Variants in TMEM236 observed in about 807,000 individuals in gnomAD.
TMEM236 encodes transmembrane protein 236.
A neutral mutation model predicts 14.7 loss-of-function variants in TMEM236; 11 were observed. The observed-to-expected ratio is 0.75, with a 90% CI of 0.47 to 1.24. TMEM236 has a LOEUF of 1.24. TMEM236 is among the 50% of genes most tolerant of loss of function. The pLI, the probability that TMEM236 is intolerant of heterozygous loss-of-function variation, is 0.00. For synonymous variants in TMEM236, 182 were observed against 168.6 expected (o/e 1.08, Z -0.62); for missense variants, 464 against 427.3 (o/e 1.09, Z -0.76).
In TMEM236 at chr10:17,759,982, C is replaced by CAAAAAAA. The variant is rs35596189; in HGVS notation, c.257+7453_257+7459dup. 3.7e-4 allele frequency among the ~76,000 whole-genome samples: 20 copies of CAAAAAAA among 54,682 alleles called. 1 individual carries two copies. Among genetic ancestry groups the CAAAAAAA allele is most frequent in the African/African-American group, 1.2e-3 (17 of 13,682 alleles). 35.9% of individuals were successfully genotyped at this position (54,682 alleles called of 152,430 possible). Reference sequence around the variant, plus strand: ...TGGACGAAAGAGCGAGACTCCGTCTCAAAAAAAAAAAAAAAAAAAAAAAAA... The same window carrying CAAAAAAA: ...TGGACGAAAGAGCGAGACTCCGTCTCAAAAAAAAAAAAAAAAAAAAAAAAAAAAAAAA... On this transcript the variant is annotated intron_variant, in intron 1 of 3. Coordinates refer to ENST00000377495, the MANE Select transcript of TMEM236 (RefSeq NM_001098844.3).
chr10:17,756,120 A>G (rs1009705529), intron 1 of TMEM236, among the ~76,000 whole-genome samples: 2 of 152,146 alleles, frequency 1.3e-5, no homozygotes, highest in East Asian at 3.9e-4. Flanking sequence ...TTACAAAATC[A>G]GCAGGATGTG....
intron 1 of TMEM236, among the ~76,000 whole-genome samples, chr10:17,769,481 A>G (rs887211386): frequency 1.3e-5 from 2 of 152,252 alleles, no homozygotes; most frequent in East Asian, 3.8e-4. Flanking sequence ...AACGGATGAG[A>G]TAATCCAGGA....
At chr10:17,795,667 G>A (rs1330664484) in intron 3 of TMEM236, among the ~76,000 whole-genome samples, 2 of 152,190 alleles carry the variant, frequency 1.3e-5, no homozygotes, top group African/African-American at 4.8e-5. Flanking sequence ...AATAGCTAAT[G>A]CATGTGAGGC....
intron 3 of TMEM236, among the ~76,000 whole-genome samples, chr10:17,794,044 T>C (rs1837969394): frequency 6.6e-6 from 1 of 152,194 alleles, no homozygotes. Context: ...GAATTTAGAT[T>C]ATCTTTTTAG....
intron 1 of TMEM236, among the ~76,000 whole-genome samples, chr10:17,763,318 T>C (rs964110755): frequency 2.0e-5 from 3 of 151,972 alleles, no homozygotes; most frequent in Admixed American, 2.0e-4. Flanking sequence ...TACCTGGGCA[T>C]GGTGGTGCAT....
intron 3 of TMEM236, among the ~76,000 whole-genome samples, chr10:17,782,564 G>C (rs1837770207): frequency 6.6e-6 from 1 of 152,064 alleles, no homozygotes; most frequent in South Asian, 2.1e-4. Flanking sequence ...CGATTCTCGT[G>C]CCTCAGCCTC....
intron 3 of TMEM236, among the ~76,000 whole-genome samples, chr10:17,793,703 G>A (rs1252707924): frequency 2.0e-5 from 3 of 152,010 alleles, no homozygotes; most frequent in African/African-American, 4.8e-5. Context: ...GGCTGGTCTC[G>A]AACTTCTGAA....
chr10:17,787,689 G>A (rs1837861519), intron 3 of TMEM236, among the ~76,000 whole-genome samples: 1 of 152,180 alleles, frequency 6.6e-6, no homozygotes, highest in African/African-American at 2.4e-5. Flanking sequence ...CTGGTGCTGG[G>A]GGTACAAAGC....
chr10:17,752,792 C>G (rs1263618260), intron 1 of TMEM236, among the ~76,000 whole-genome samples: 1 of 152,146 alleles, frequency 6.6e-6, no homozygotes, highest in Non-Finnish European at 1.5e-5. Context: ...GTCTTGAACT[C>G]CTGACCTCAA....
rs1006791460 is a variant in TMEM236 at position 17,752,323 on chromosome 10, G to A, written c.28G>A (p.Val10Met). ...GGCTTCTGGAAGGCTCATTAAGTTCGTGGTTTTTGAGCTCCTAGAGTTTGC... is the reference window on the plus strand; with the variant it reads ...GGCTTCTGGAAGGCTCATTAAGTTCATGGTTTTTGAGCTCCTAGAGTTTGC... MASGRLIKF[V>M]VFELLEFAAF... The change falls in exon 1 of 4, where the codon GTG becomes ATG. Residue 10 changes from valine (V) to methionine (M), a missense_variant. Coordinates refer to ENST00000377495, the MANE Select transcript of TMEM236 (RefSeq NM_001098844.3). 64 of 1,613,766 alleles carry A rather than the reference G, an allele frequency of 4.0e-5. No individual in the cohort carries two copies. The highest frequency in any genetic ancestry group is 2.9e-4 in the East Asian group (13 of 44,868).
At chr10:17,794,739 C>T (rs975410757) in intron 3 of TMEM236, among the ~76,000 whole-genome samples, 1 of 152,144 alleles carries the variant, frequency 6.6e-6, no homozygotes, top group Non-Finnish European at 1.5e-5. Context: ...CTCTAGTGGT[C>T]AAACAGATTC....
intron 1 of TMEM236, among the ~76,000 whole-genome samples, chr10:17,754,226 A>G (rs1470763858): frequency 6.6e-6 from 1 of 152,234 alleles, no homozygotes; most frequent in Non-Finnish European, 1.5e-5. Context: ...AGTAATGTCT[A>G]TTTTTAATTA....
chr10:17,776,871 T>C (rs782757872), intron 3 of TMEM236, among the ~76,000 whole-genome samples: 36,655 of 152,128 alleles, frequency 0.24, 4,687 homozygotes, highest in African/African-American at 0.35. Flanking sequence ...AAAAAGATAT[T>C]TTGTTAATGG....
intron 1 of TMEM236, among the ~76,000 whole-genome samples, chr10:17,768,086 G>GTGTTTTTTTTTTTTTTTT (rs1837500427): frequency 4.3e-5 from 4 of 92,016 alleles, no homozygotes; most frequent in Non-Finnish European, 8.6e-5. Context: ...AATTTTTGTG[G>GTGTTTTTTTTTTTTTTTT]TTTTTTTTTT....
At chr10:17,786,890 T>C (rs1564600385) in intron 3 of TMEM236, among the ~76,000 whole-genome samples, 1 of 152,204 alleles carries the variant, frequency 6.6e-6, no homozygotes, top group Non-Finnish European at 1.5e-5. Flanking sequence ...TCCCATGCTA[T>C]TCTCGTGATA....
chr10:17,774,810 C>G (rs1306520891), intron 2 of TMEM236, among the ~76,000 whole-genome samples: 1 of 150,992 alleles, frequency 6.6e-6, no homozygotes, highest in Admixed American at 6.6e-5. Flanking sequence ...CTCTCTCTCT[C>G]TCTCTCTCTC....
At chr10:17,758,595 T>A in intron 1 of TMEM236, among the ~76,000 whole-genome samples, 1 of 152,244 alleles carries the variant, frequency 6.6e-6, no homozygotes, top group Non-Finnish European at 1.5e-5. Flanking sequence ...CGTGTAAAGT[T>A]CCTAGCATAG....
chr10:17,768,055 T>C (rs1228731282), intron 1 of TMEM236, among the ~76,000 whole-genome samples: 5 of 149,370 alleles, frequency 3.3e-5, no homozygotes, highest in African/African-American at 1.0e-4. Flanking sequence ...CGACTACAGG[T>C]ACACACCACC....
At chr10:17,760,393 G>A (rs1423169175) in intron 1 of TMEM236, among the ~76,000 whole-genome samples, 2 of 150,434 alleles carry the variant, frequency 1.3e-5, no homozygotes, top group African/African-American at 4.9e-5. Context: ...CATTAAGGAT[G>A]TTCATTTGCT....
Sources: allele counts gnomAD v4.1 joint callset (sites outside exome capture counted in the v4.1 genomes callset), GRCh38; gene constraint gnomAD v4.1.1; transcripts MANE v1.5; gene names NCBI Gene and HGNC (gene_info 2026-07-23, HGNC 2026-07-21).